GRID2: variants seen among roughly 807,000 people sequenced by gnomAD.
GRID2 encodes the protein glutamate ionotropic receptor delta type subunit 2.
A neutral mutation model predicts 114.8 loss-of-function variants in GRID2; 33 were observed. The ratio of observed to expected loss-of-function variants is 0.29; its 90% CI spans 0.22 to 0.38. The LOEUF is 0.38. GRID2 is among the 10% of genes least tolerant of loss of function. The pLI is 1.00. For missense variants in GRID2, 1,184 were observed against 1,257.7 expected (o/e 0.94, Z 0.89); for synonymous variants, 505 against 449.9 (o/e 1.12, Z -1.55).
intron 2 of GRID2, among the ~76,000 whole-genome samples, chr4:93,006,898 A>G (rs917211453): frequency 6.6e-6 from 1 of 152,020 alleles, no homozygotes; most frequent in Non-Finnish European, 1.5e-5. Flanking sequence ...AGTAAGTAAA[A>G]AAACAGCAAC....
At chr4:93,134,168 C>T (rs1373059425) in intron 4 of GRID2, among the ~76,000 whole-genome samples, 1 of 151,946 alleles carries the variant, frequency 6.6e-6, no homozygotes. Context: ...ATCTAATGCC[C>T]CTGTTCTGAT....
rs371859905 is a variant in GRID2 at position 93,550,529 on chromosome 4, A to G, written c.2193+35118A>G. Among the ~76,000 whole-genome samples the G allele has an allele frequency of 3.4e-4, 52 of 152,286 alleles. No individual in the cohort carries two copies. In the Middle Eastern group the frequency reaches 0.01, roughly 30 times the overall value. ...ATAGATGTGAAAAATCTATTTCCTT[A>G]TAACTTGCATTCACACATCACTGTT... On this transcript the variant is annotated intron_variant, in intron 13 of 15. Transcript: ENST00000282020.
Position 92,590,205 on chromosome 4 carries a change from G to A in GRID2, c.163G>A (p.Glu55Lys). 1.2e-6 allele frequency: 2 copies of A among 1,611,458 alleles called. No homozygotes were observed. The highest frequency in any genetic ancestry group is 2.2e-5 in the East Asian group (1 of 44,750). ...RTAVGDLNQNEEILQTEKITF... is the reference protein window; with the variant it reads ...RTAVGDLNQNKEILQTEKITF... ...TGCGGTTGGTGACCTTAACCAGAAT[G>A]AGGAGATCTTACAGACTGAGAAAAT... The change falls in exon 2 of 16, where the codon GAG becomes AAG. Residue 55 changes from glutamate to lysine, a missense_variant. Coordinates refer to ENST00000282020, the MANE Select transcript of GRID2 (RefSeq NM_001510.4).
intron 2 of GRID2, among the ~76,000 whole-genome samples, chr4:92,923,899 G>A (rs1244339939): frequency 6.6e-6 from 1 of 152,142 alleles, no homozygotes; most frequent in African/African-American, 2.4e-5. Flanking sequence ...TGATTACTGG[G>A]TATATACCCA....
At chr4:92,495,607 C>G (rs751758747) in intron 1 of GRID2, among the ~76,000 whole-genome samples, 6 of 151,824 alleles carry the variant, frequency 4.0e-5, no homozygotes, top group African/African-American at 7.3e-5. Flanking sequence ...GATCCGGGTA[C>G]ATAAGCATCA....
intron 12 of GRID2, 21 bp downstream of exon 12, chr4:93,490,798 T>A: frequency 6.4e-7 from 1 of 1,566,936 alleles, no homozygotes; most frequent in South Asian, 1.1e-5. Context: ...AATGTTTCCA[T>A]TAGCCACAAA....
intron 1 of GRID2, among the ~76,000 whole-genome samples, chr4:92,583,783 AATAT>A (rs1199273934): frequency 6.6e-6 from 1 of 150,416 alleles, no homozygotes; most frequent in Non-Finnish European, 1.5e-5. Flanking sequence ...ACACAGTTGT[AATAT>A]ATATGTGAGT....
intron 1 of GRID2, among the ~76,000 whole-genome samples, chr4:93,803,116 C>T (rs1223869435): frequency 6.6e-6 from 1 of 152,188 alleles, no homozygotes; most frequent in Non-Finnish European, 1.5e-5. Context: ...GAAGGAACTA[C>T]AGTGATCTTT....
chr4:93,194,927 C>T (rs979310912), intron 4 of GRID2, among the ~76,000 whole-genome samples: 2 of 152,058 alleles, frequency 1.3e-5, no homozygotes, highest in South Asian at 2.1e-4. Context: ...AACTTGAGCA[C>T]CATTGATGTA....
At chr4:92,341,288 T>C (rs1391334139) in intron 1 of GRID2, among the ~76,000 whole-genome samples, 1 of 152,174 alleles carries the variant, frequency 6.6e-6, no homozygotes, top group African/African-American at 2.4e-5. Context: ...TATGTTACTA[T>C]TGAAAATAAG....
At chr4:93,387,203 T>A (rs1044286451) in intron 8 of GRID2, among the ~76,000 whole-genome samples, 2 of 152,214 alleles carry the variant, frequency 1.3e-5, no homozygotes, top group Non-Finnish European at 2.9e-5. Flanking sequence ...AAGTGAGATA[T>A]AATATAGATG....
At chr4:93,097,016 GA>G (rs1731281846) in intron 3 of GRID2, among the ~76,000 whole-genome samples, 1 of 151,950 alleles carries the variant, frequency 6.6e-6, no homozygotes, top group Admixed American at 6.6e-5. Context: ...AGTTAAGTGA[GA>G]AAAGACTCAC....
intron 8 of GRID2, among the ~76,000 whole-genome samples, chr4:93,370,538 C>T (rs1465034461): frequency 1.3e-5 from 2 of 151,790 alleles, no homozygotes; most frequent in South Asian, 2.1e-4. Flanking sequence ...TGCAGTCACA[C>T]AGAATTGTTC....
chr4:93,598,894 T>C (rs1739391233), intron 13 of GRID2, among the ~76,000 whole-genome samples: 2 of 152,198 alleles, frequency 1.3e-5, no homozygotes, highest in African/African-American at 2.4e-5. Flanking sequence ...GAGTATATAC[T>C]GTAATTATTT....
chr4:93,561,352 G>T (rs73839589), intron 13 of GRID2, among the ~76,000 whole-genome samples: 450 of 152,160 alleles, frequency 3.0e-3, no homozygotes, highest in African/African-American at 0.011. Context: ...TTCTTAAATT[G>T]TGTTTATCAT....
In GRID2 at chr4:93,634,502, CTG is replaced by C. The variant is rs1721239806; in HGVS notation, c.2360+8070_2360+8071del. Among the ~76,000 whole-genome samples, 3 of 152,280 alleles carry C rather than the reference CTG, an allele frequency of 2.0e-5. No homozygotes were observed. The East Asian group carries it at 5.8e-4, about 29-fold the overall frequency. On this transcript the variant is annotated intron_variant, in intron 14 of 15. Transcript: ENST00000282020. ...GTTTCATATAATGCTTGCCACAACTCTGTGCATTGCATTTCATAAATTTGAGG... is the reference window on the plus strand; with the variant it reads ...GTTTCATATAATGCTTGCCACAACTCTGCATTGCATTTCATAAATTTGAGG...
At chr4:92,668,030 C>A (rs1402336109) in intron 2 of GRID2, among the ~76,000 whole-genome samples, 1 of 151,730 alleles carries the variant, frequency 6.6e-6, no homozygotes, top group African/African-American at 2.4e-5. Context: ...GAAATGCTGT[C>A]CTTATCCTTT....
At chr4:92,330,206 G>T (rs1726812545) in intron 1 of GRID2, among the ~76,000 whole-genome samples, 1 of 152,042 alleles carries the variant, frequency 6.6e-6, no homozygotes, top group African/African-American at 2.4e-5. Flanking sequence ...TGTTTAAGAT[G>T]TTTAAATTTT....
At position 92,914,408 on chromosome 4, in the gene GRID2, G is replaced by A. The variant is rs531138488; in HGVS notation, c.245-170587G>A. ...TTCAAATATTATTTCTCTAATCTTT[G>A]GAAATATAATTTTTTTACTTTTATT... On this transcript the variant is annotated intron_variant, in intron 2 of 15. Transcript: ENST00000282020. Among the ~76,000 whole-genome samples the A allele has an allele frequency of 2.0e-5, 3 of 151,978 alleles. No individual in the cohort carries two copies. In the South Asian group the frequency reaches 6.3e-4, roughly 32 times the overall value.
Sources: gnomAD v4.1 joint callset for allele counts (sites outside exome capture counted in the v4.1 genomes callset) on GRCh38, gnomAD v4.1.1 for gene constraint, MANE v1.5 for transcripts, NCBI Gene and HGNC (gene_info 2026-07-23, HGNC 2026-07-21) for gene names.